ARHGEF28: variants seen among roughly 807,000 people sequenced by gnomAD.
ARHGEF28 encodes the protein 190 kDa guanine nucleotide exchange factor.
A neutral mutation model predicts 206.6 loss-of-function variants in ARHGEF28; 152 were observed. That is an observed-to-expected ratio of 0.74 (90% CI 0.64 to 0.84). ARHGEF28 has a LOEUF of 0.84. Ranked by LOEUF, ARHGEF28 falls within the 40% of genes least tolerant of loss-of-function variation. ARHGEF28 has a pLI of 0.00. For synonymous variants in ARHGEF28, 763 were observed against 776.4 expected, an observed-to-expected ratio of 0.98 and a Z score of 0.29; for missense variants, 2,028 against 2,073.2, an observed-to-expected ratio of 0.98 and a Z score of 0.42.
At chr5:73,822,639 AT>A (rs1242971943) in intron 9 of ARHGEF28, among the ~76,000 whole-genome samples, 2 of 151,782 alleles carry the variant, frequency 1.3e-5, no homozygotes, top group Non-Finnish European at 2.9e-5. Context: ...TGCCCACCCC[AT>A]TTTTTTTAGA....
At chr5:73,701,336 G>A (rs1028801103) in intron 2 of ARHGEF28, among the ~76,000 whole-genome samples, 2 of 152,106 alleles carry the variant, frequency 1.3e-5, no homozygotes. Context: ...ACTCAATAGG[G>A]AGTTTTCCCC....
At chr5:73,789,898 A>G (rs950764991) in intron 7 of ARHGEF28, among the ~76,000 whole-genome samples, 2 of 152,140 alleles carry the variant, frequency 1.3e-5, no homozygotes, top group African/African-American at 2.4e-5. Context: ...TTGCACTGGA[A>G]GAGGCTGTTA....
At chr5:73,881,336 A>G (rs1417030276) in intron 22 of ARHGEF28, among the ~76,000 whole-genome samples, 1 of 152,176 alleles carries the variant, frequency 6.6e-6, no homozygotes. Flanking sequence ...TAAAAAGCAT[A>G]CTGGGATTTT....
intron 8 of ARHGEF28, 30 bp downstream of exon 8, chr5:73,794,484 G>A (rs1384769513): frequency 1.0e-5 from 16 of 1,532,706 alleles, no homozygotes; most frequent in Non-Finnish European, 1.4e-5. Context: ...TTCTTTCTTT[G>A]CACGTCTTTC....
intron 4 of ARHGEF28, among the ~76,000 whole-genome samples, chr5:73,768,298 C>T (rs907509976): frequency 2.0e-5 from 3 of 152,154 alleles, no homozygotes; most frequent in Admixed American, 6.5e-5. Flanking sequence ...ATGGTAGATC[C>T]ACTGACAGCT....
intron 2 of ARHGEF28, among the ~76,000 whole-genome samples, chr5:73,718,864 A>AAGC (rs1276827098): frequency 3.3e-5 from 5 of 152,262 alleles, no homozygotes; most frequent in African/African-American, 9.6e-5. Flanking sequence ...ACTAGAACTG[A>AAGC]AGCTGGCTAG....
chr5:73,867,041 G>A (rs1303119020), intron 18 of ARHGEF28, among the ~76,000 whole-genome samples: 1 of 152,142 alleles, frequency 6.6e-6, no homozygotes, highest in Non-Finnish European at 1.5e-5. Context: ...AAGTCTCTTT[G>A]ATGATGTCAG....
intron 28 of ARHGEF28, among the ~76,000 whole-genome samples, chr5:73,893,676 A>G (rs1270970893): frequency 6.6e-6 from 1 of 152,204 alleles, no homozygotes; most frequent in East Asian, 1.9e-4. Context: ...AGGAGATTAG[A>G]CTAGCTCAGT....
intron 9 of ARHGEF28, chr5:73,813,813 A>G (rs1756002426): frequency 1.2e-6 from 1 of 838,240 alleles, no homozygotes; most frequent in Non-Finnish European, 1.8e-6. Flanking sequence ...CTGTACAGAT[A>G]CATATAGGTT....
At chr5:73,848,898 T>A in intron 12 of ARHGEF28, 78 bp from the exon 13 acceptor site, 1 of 1,033,676 alleles carries the variant, frequency 9.7e-7, no homozygotes, top group South Asian at 1.5e-5. Context: ...GGTGCAAATT[T>A]AGTAACATTT....
chr5:73,852,825 C>A, intron 14 of ARHGEF28, 133 bp downstream of exon 14: 1 of 931,640 alleles, frequency 1.1e-6, no homozygotes. Flanking sequence ...AGACCCTTTG[C>A]TCCCTCTGGG....
intron 2 of ARHGEF28, among the ~76,000 whole-genome samples, chr5:73,718,729 G>A (rs1302057434): frequency 2.6e-5 from 4 of 152,250 alleles, no homozygotes; most frequent in East Asian, 1.9e-4. Flanking sequence ...GATGTCACTC[G>A]TGTAATCACT....
At chr5:73,930,343 A>G (rs997432517) in intron 35 of ARHGEF28, among the ~76,000 whole-genome samples, 3 of 152,212 alleles carry the variant, frequency 2.0e-5, no homozygotes, top group Admixed American at 6.5e-5. Flanking sequence ...CTGATTACCA[A>G]TGAGATTTAA....
At chr5:73,746,358 T>C (rs1234714773) in intron 2 of ARHGEF28, among the ~76,000 whole-genome samples, 1 of 152,020 alleles carries the variant, frequency 6.6e-6, no homozygotes, top group Admixed American at 6.6e-5. Context: ...GTGCCAAAGA[T>C]TGTAACAATG....
At chr5:73,914,983 G>C (rs1763127304) in intron 35 of ARHGEF28, among the ~76,000 whole-genome samples, 1 of 152,036 alleles carries the variant, frequency 6.6e-6, no homozygotes, top group African/African-American at 2.4e-5. Context: ...TGAAGCGATT[G>C]GCTGTTTCAG....
In ARHGEF28 at chr5:73,782,132, T is replaced by TAAAA. The variant is rs35157852; in HGVS notation, c.910+1400_910+1403dup. 6.0e-3 allele frequency among the ~76,000 whole-genome samples: 861 copies of TAAAA among 143,228 alleles called. 10 individuals carry two copies. Among genetic ancestry groups the TAAAA allele is most frequent in the Non-Finnish European group, 9.8e-3 (641 of 65,724 alleles). 94.0% of individuals were successfully genotyped at this position (143,228 alleles called of 152,430 possible). ...TTAAACTCTTTACCTGCATGTTTGT[T>TAAAA]AAAAAAAAAAAAAAAAGTAGTCTTG... On this transcript the variant is annotated intron_variant, in intron 7 of 35. Transcript: ENST00000513042.
At chr5:73,712,933 T>G (rs1464311339) in intron 2 of ARHGEF28, among the ~76,000 whole-genome samples, 2 of 152,186 alleles carry the variant, frequency 1.3e-5, no homozygotes, top group Non-Finnish European at 2.9e-5. Context: ...ATGTAAATAT[T>G]TAAATATAAA....
chr5:73,811,706 T>C (rs1755844576), intron 9 of ARHGEF28, among the ~76,000 whole-genome samples: 1 of 152,180 alleles, frequency 6.6e-6, no homozygotes, highest in Non-Finnish European at 1.5e-5. Context: ...AGCCACAGGC[T>C]TGGCATGGTG....
At position 73,873,216 on chromosome 5, in the gene ARHGEF28, C is replaced by G. The variant is rs535664718; in HGVS notation, c.2784C>G (p.Ile928Met). 1 of 1,611,254 alleles carries G rather than the reference C, an allele frequency of 6.2e-7. No individual in the cohort carries two copies. Among genetic ancestry groups the G allele is most frequent in the African/African-American group, 1.3e-5 (1 of 74,970 alleles). Residue 928 changes from isoleucine (I) to methionine (M), a missense_variant, in exon 22 of 36, where the codon ATC becomes ATG. Physicochemically the swap from Ile to Met is conservative, Grantham distance 10. Coordinates refer to ENST00000513042, the MANE Select transcript of ARHGEF28 (RefSeq NM_001177693.2). ...SCAGSDRNFV[I>M]DRIGDILVQQ... ...CTGGCAGCGACAGGAATTTTGTGAT[C>G]GACCGAATTGGAGATATTTTGGTAC...
Sources: gnomAD v4.1 joint callset for allele counts (sites outside exome capture counted in the v4.1 genomes callset) on GRCh38, gnomAD v4.1.1 for gene constraint, MANE v1.5 for transcripts, NCBI Gene and HGNC (gene_info 2026-07-23, HGNC 2026-07-21) for gene names.